Variants in ISL1 observed in about 807,000 individuals in gnomAD.
ISL1 encodes the protein ISL LIM homeobox 1.
A neutral mutation model predicts 35.3 loss-of-function variants in ISL1; 4 were observed. The observed-to-expected ratio is 0.11, with a 90% CI of 0.06 to 0.26. The LOEUF is 0.26. Among genes scored for constraint, ISL1 ranks in the 10% least tolerant of loss-of-function variants. The probability of loss-of-function intolerance (pLI) is 1.00; values close to 1 mark genes in which losing one functional copy is unlikely to be tolerated. For missense variants in ISL1, 340 were observed against 472.8 expected (o/e 0.72, Z 2.60); for synonymous variants, 186 against 172.3 (o/e 1.08, Z -0.62).
chr5:51,391,563 C>T (rs1000865862), intron 5 of ISL1, 122 bp downstream of exon 5: 8 of 1,082,600 alleles, frequency 7.4e-6, no homozygotes, highest in Middle Eastern at 2.1e-4. Context: ...GGGGAGAAAC[C>T]AAGGAGGTGG....
intron 5 of ISL1, among the ~76,000 whole-genome samples, chr5:51,393,245 C>T (rs1024455295): frequency 6.6e-6 from 1 of 152,176 alleles, no homozygotes; most frequent in Non-Finnish European, 1.5e-5. Context: ...TAATTTAATG[C>T]AACATAATGT....
intron 3 of ISL1, among the ~76,000 whole-genome samples, chr5:51,388,129 C>T (rs955545131): frequency 2.0e-5 from 3 of 152,228 alleles, no homozygotes; most frequent in Non-Finnish European, 1.5e-5. Context: ...ATTAAAGGGG[C>T]GGAGCCCCGG....
At chr5:51,390,642 C>CTTTCTTTTTTTTTTTTTTTTTTTTTTTT (rs1747483445) in intron 4 of ISL1, among the ~76,000 whole-genome samples, 1 of 40,204 alleles carries the variant, frequency 2.5e-5, no homozygotes, top group Non-Finnish European at 4.7e-5. Flanking sequence ...CTTTCTTTTT[C>CTTTCTTTTTTTTTTTTTTTTTTTTTTTT]TTTTTTTTTT....
rs1240790016 is a variant in ISL1 at position 51,387,652 on chromosome 5, C to T, written c.381C>T (p.Leu127=). The change falls in exon 3 of 6, where the codon CTC becomes CTT. Residue 127 remains leucine, a synonymous_variant. Coordinates refer to ENST00000230658, the MANE Select transcript of ISL1 (RefSeq NM_002202.3). The surrounding 1 kb of genome is among the most constrained non-coding windows in gnomAD (Gnocchi z 4.3). The stretch of plus-strand genomic sequence containing the variant: ...AATTTGCGCTTCGGGAGGACGGTCT[C>T]TTCTGCCGAGCAGACCACGATGTGG... The part of the protein sequence containing the change: ...GDEFALREDG[L]FCRADHDVVE... 6.2e-7 allele frequency: 1 copy of T among 1,614,244 alleles called. No homozygotes were observed.
At chr5:51,391,244 G>T in intron 4 of ISL1, 30 bp from the exon 5 acceptor site, 1 of 1,610,890 alleles carries the variant, frequency 6.2e-7, no homozygotes, top group South Asian at 1.1e-5. Flanking sequence ...TCATTAACAT[G>T]TTGGGATTGG....
rs779373846 is a variant in ISL1, at chr5:51,393,570, A to T, written c.1010A>T (p.Asp337Val). 1 of 1,613,132 alleles carries T rather than the reference A, an allele frequency of 6.2e-7. No individual in the cohort carries two copies. The highest frequency in any genetic ancestry group is 8.5e-7 in the Non-Finnish European group (1 of 1,179,190). The change falls in exon 6 of 6, where the codon GAT (aspartate) becomes GTT (valine). Residue 337 changes from aspartate to valine, a missense_variant. Physicochemically the swap from Asp to Val is radical, Grantham distance 152 (BLOSUM62 -3). Coordinates refer to ENST00000230658, the MANE Select transcript of ISL1 (RefSeq NM_002202.3). ...EVASMSSQLPDTPNSMVASPI... is the reference protein window; with the variant it reads ...EVASMSSQLPVTPNSMVASPI... The stretch of plus-strand genomic sequence containing the variant: ...GCATCAATGTCCTCTCAACTTCCAG[A>T]TACACCTAACAGCATGGTAGCCAGT...
intron 1 of ISL1, among the ~76,000 whole-genome samples, chr5:51,384,243 A>AGGG (rs60114688): frequency 0.011 from 1,252 of 116,036 alleles, 15 homozygotes; most frequent in South Asian, 0.032. Flanking sequence ...GCAAAGAGGA[A>AGGG]GGGGGGGGGG....
intron 1 of ISL1, 69 bp from the exon 2 acceptor site, chr5:51,384,472 A>G (rs1459428594): frequency 2.0e-5 from 28 of 1,418,220 alleles, no homozygotes; most frequent in South Asian, 2.3e-5. Flanking sequence ...TAAGAGAACG[A>G]CACTAAAAGT....
At chr5:51,391,932 A>T (rs1747525467) in intron 5 of ISL1, among the ~76,000 whole-genome samples, 1 of 152,220 alleles carries the variant, frequency 6.6e-6, no homozygotes, top group African/African-American at 2.4e-5. Context: ...CAGTGTTGTT[A>T]TCAATAAACA....
chr5:51,391,393 C>T lies in ISL1; in HGVS notation c.885C>T (p.Ser295=), dbSNP rs41268419. 4,337 of 1,614,166 alleles carry T rather than the reference C, an allele frequency of 2.7e-3. 10 individuals carry two copies. The highest frequency in any genetic ancestry group is 3.2e-3 in the Non-Finnish European group (3,833 of 1,180,040). ...QSYQPPWKVL[S]DFALQSDIDQ... ...ACCAGCCACCTTGGAAAGTACTGAGCGACTTCGCCTTGCAGAGTGACATAG... is the reference window on the plus strand; with the variant it reads ...ACCAGCCACCTTGGAAAGTACTGAGTGACTTCGCCTTGCAGAGTGACATAG... The change falls in exon 5 of 6, where the codon AGC becomes AGT. Residue 295 remains serine (S), a synonymous_variant. Transcript: ENST00000230658.
intron 1 of ISL1, 29 bp downstream of exon 1, chr5:51,383,728 C>T (rs1356410948): frequency 3.1e-6 from 5 of 1,597,278 alleles, no homozygotes; most frequent in Admixed American, 3.3e-5. Flanking sequence ...TTGTGGGGCT[C>T]GGTGTGCTGT....
Position 51,389,979 on chromosome 5 carries a change from G to C in ISL1, c.765+47G>C. On this transcript the variant is annotated intron_variant, in intron 4 of 5. Coordinates refer to ENST00000230658, the MANE Select transcript of ISL1 (RefSeq NM_002202.3). This position sits in a 1 kb window ranked among gnomAD's most constrained non-coding sequence, Gnocchi z 5.0. ...CAGGGAATGCGAGGGGGAAGGAGAC[G>C]CAGCGTGCGAGGTGCGTTCCTGGTA... 2 of 1,597,540 alleles carry C rather than the reference G, an allele frequency of 1.3e-6. No homozygotes were observed. The highest frequency in any genetic ancestry group is 1.1e-5 in the South Asian group (1 of 90,230).
chr5:51,393,733 A>G lies in ISL1; in HGVS notation c.*123A>G. 5.3e-6 allele frequency: 4 copies of G among 750,516 alleles called. No homozygotes were observed. Among genetic ancestry groups the G allele is most frequent in the Non-Finnish European group, 9.8e-6 (4 of 409,698 alleles). 46.5% of individuals were successfully genotyped at this position (750,516 alleles called of 1,614,324 possible). A position where few individuals can be genotyped will look rare whatever the true frequency, so the allele number is the denominator to read the frequency against. On this transcript the variant is annotated 3_prime_UTR_variant, in exon 6 of 6. Transcript: ENST00000230658. Reference sequence around the variant, plus strand: ...AACTGAATCAAGAAATGAATGCTCCATGAAATGCACGAAGTCTGTTTTAAT... The same window carrying G: ...AACTGAATCAAGAAATGAATGCTCCGTGAAATGCACGAAGTCTGTTTTAAT...
At chr5:51,385,505 C>G (rs1476877147) in intron 2 of ISL1, among the ~76,000 whole-genome samples, 1 of 151,892 alleles carries the variant, frequency 6.6e-6, no homozygotes, top group Non-Finnish European at 1.5e-5. Context: ...ATAAAATGAG[C>G]GAATTGTCCA....
At chr5:51,392,194 C>T (rs761063364) in intron 5 of ISL1, among the ~76,000 whole-genome samples, 1 of 152,180 alleles carries the variant, frequency 6.6e-6, no homozygotes, top group Non-Finnish European at 1.5e-5. Context: ...ATGTTTTCCA[C>T]ATCCAGAGAG....
chr5:51,390,072 A>C, intron 4 of ISL1, 140 bp downstream of exon 4: 2 of 1,000,102 alleles, frequency 2.0e-6, no homozygotes, highest in South Asian at 1.7e-5. Context: ...CCTCATCCTT[A>C]CCCCCCTACC....
At chr5:51,386,606 A>G (rs1747348178) in intron 2 of ISL1, 1 of 456,154 alleles carries the variant, frequency 2.2e-6, no homozygotes, top group Non-Finnish European at 4.4e-6. Context: ...CCTAGATGGA[A>G]CCTATAAAGA....
rs748871481 is a variant in ISL1, at chr5:51,387,764, G to A, written c.478+15G>A. On this transcript the variant is annotated intron_variant, in intron 3 of 5. Transcript: ENST00000230658. The surrounding 1 kb of genome is among the most constrained non-coding windows in gnomAD (Gnocchi z 4.3). Reference sequence around the variant, plus strand: ...GCAAATGGCAGGTACTCCTCTGCCCGGCTCGGGTAGGCAGGCGCCAGGTTA... The same window carrying A: ...GCAAATGGCAGGTACTCCTCTGCCCAGCTCGGGTAGGCAGGCGCCAGGTTA... 7 of 1,613,184 alleles carry A rather than the reference G, an allele frequency of 4.3e-6. No homozygotes were observed. The South Asian group carries it at 7.7e-5, about 18-fold the overall frequency.
chr5:51,390,450 G>A (rs555030698), intron 4 of ISL1, among the ~76,000 whole-genome samples: 131 of 152,094 alleles, frequency 8.6e-4, no homozygotes, highest in African/African-American at 3.0e-3. Context: ...AGGCTGGCGA[G>A]TTCCCCCAAG....
Sources: gnomAD v4.1 joint callset for allele counts (sites outside exome capture counted in the v4.1 genomes callset) on GRCh38, gnomAD v4.1.1 for gene constraint, Gnocchi (gnomAD v3.1) non-coding constraint, MANE v1.5 for transcripts, NCBI Gene and HGNC (gene_info 2026-07-23, HGNC 2026-07-21) for gene names.